Variants in MYO7A observed in about 807,000 individuals in gnomAD.
MYO7A encodes the protein myosin VIIA.
In MYO7A, 210 loss-of-function variants were observed where a neutral mutation model predicts 263.8. The observed-to-expected ratio is 0.80, with a 90% CI of 0.71 to 0.89. MYO7A has a LOEUF of 0.89. Among genes scored for constraint, MYO7A ranks in the 40% least tolerant of loss-of-function variants. The pLI is 0.00. For synonymous variants in MYO7A, 1,239 were observed against 1,197.3 expected, an observed-to-expected ratio of 1.03 and a Z score of -0.72; for missense variants, 2,820 against 2,968.3, an observed-to-expected ratio of 0.95 and a Z score of 1.16.
chr11:77,193,578 G>C (rs1326689220), intron 31 of MYO7A, among the ~76,000 whole-genome samples: 1 of 150,722 alleles, frequency 6.6e-6, no homozygotes, highest in Non-Finnish European at 1.5e-5. Context: ...TGGTGATAGT[G>C]GTGATGATAA....
At chr11:77,137,371 C>T (rs1446522439) in intron 2 of MYO7A, among the ~76,000 whole-genome samples, 1 of 151,962 alleles carries the variant, frequency 6.6e-6, no homozygotes. Context: ...CCACTCTCTG[C>T]CGTTGTTCAT....
Position 77,159,464 on chromosome 11 carries a change from C to T in MYO7A, c.1021C>T (p.Leu341=), listed in dbSNP as rs782765242. ...LQYEARTFEN[L]DACEVLFSPS... is the part of the protein sequence containing the mutation. Reference sequence around the variant, plus strand: ...GCCAACAGCACGCACATTTGAAAACCTGGATGCCTGTGAGGTTCTCTTCTC... The same window carrying T: ...GCCAACAGCACGCACATTTGAAAACTTGGATGCCTGTGAGGTTCTCTTCTC... The change falls in exon 10 of 49, where the codon CTG becomes TTG. Residue 341 remains leucine (L), a synonymous_variant. Transcript: ENST00000409709. 2.8e-6 allele frequency: 4 copies of T among 1,412,028 alleles called. No homozygotes were observed. The Admixed American group carries it at 5.6e-5, about 20-fold the overall frequency. The allele number at this position is 1,412,028 out of a possible 1,614,324, so 87.5% of individuals were successfully genotyped here.
chr11:77,184,806 C>G, intron 27 of MYO7A, 91 bp downstream of exon 27: 1 of 1,555,914 alleles, frequency 6.4e-7, no homozygotes, highest in Non-Finnish European at 8.7e-7. Context: ...TTAAGCCAAG[C>G]AGGCCTGGGT....
At chr11:77,142,133 C>A (rs1480888966) in intron 2 of MYO7A, among the ~76,000 whole-genome samples, 1 of 152,220 alleles carries the variant, frequency 6.6e-6, no homozygotes, top group Non-Finnish European at 1.5e-5. Flanking sequence ...GGGCCAGATG[C>A]CGCAGGGGAC....
chr11:77,186,243 C>T (rs1182792788), intron 27 of MYO7A, among the ~76,000 whole-genome samples: 1 of 152,064 alleles, frequency 6.6e-6, no homozygotes, highest in Admixed American at 6.6e-5. Context: ...TTTTAAGAGC[C>T]CCAGAATTTT....
chr11:77,159,474 G>A lies in MYO7A; in HGVS notation c.1031G>A (p.Cys344Tyr), dbSNP rs1565349460. ...EARTFENLDA[C>Y]EVLFSPSLAT... ...CGCACATTTGAAAACCTGGATGCCT[G>A]TGAGGTTCTCTTCTCCCCATCGCTG... is the stretch of plus-strand genomic sequence containing the variant. Residue 344 changes from cysteine (C) to tyrosine (Y), a missense_variant, in exon 10 of 49, where the codon TGT becomes TAT. By Grantham distance (194) the Cys-to-Tyr change is radical. Coordinates refer to ENST00000409709, the MANE Select transcript of MYO7A (RefSeq NM_000260.4). The A allele has an allele frequency of 3.1e-6, 5 of 1,610,470 alleles. No individual in the cohort carries two copies. The highest frequency in any genetic ancestry group is 2.5e-6 in the Non-Finnish European group (3 of 1,179,468).
At position 77,160,217 on chromosome 11, in the gene MYO7A, G is replaced by T; in HGVS notation, c.1135G>T (p.Gly379Trp). 6.3e-7 allele frequency: 1 copy of T among 1,581,864 alleles called. No homozygotes were observed. Among genetic ancestry groups the T allele is most frequent in the East Asian group, 2.3e-5 (1 of 42,772 alleles). ...GACTAGCCGCACCCTCATCACCCGC[G>T]GGGAGACGGTGTCCACCCCACTGAG... Reference protein sequence around the residue: ...CLTSRTLITRGETVSTPLSRE... With the variant: ...CLTSRTLITRWETVSTPLSRE... The change falls in exon 11 of 49, where the codon GGG becomes TGG. Residue 379 changes from glycine to tryptophan, a missense_variant. By Grantham distance (184) the Gly-to-Trp change is radical (BLOSUM62 -2). Coordinates refer to ENST00000409709, the MANE Select transcript of MYO7A (RefSeq NM_000260.4).
intron 32 of MYO7A, among the ~76,000 whole-genome samples, chr11:77,195,148 G>A (rs896736333): frequency 5.9e-5 from 9 of 151,956 alleles, no homozygotes; most frequent in African/African-American, 2.2e-4. Flanking sequence ...CCACAGACCC[G>A]GATCTCACCC....
At chr11:77,173,602 C>T (rs1023102751) in intron 16 of MYO7A, among the ~76,000 whole-genome samples, 3 of 152,128 alleles carry the variant, frequency 2.0e-5, no homozygotes, top group African/African-American at 4.8e-5. Context: ...TTTCGCAGCA[C>T]AGGCTCTGGG....
chr11:77,133,740 T>C (rs1223887169), intron 2 of MYO7A, among the ~76,000 whole-genome samples: 1 of 152,216 alleles, frequency 6.6e-6, no homozygotes. Context: ...CATGAAGTAA[T>C]TACTGTTAAG....
chr11:77,181,321 C>T (rs1955162530), intron 22 of MYO7A, 59 bp from the exon 23 acceptor site: 11 of 1,465,252 alleles, frequency 7.5e-6, no homozygotes, highest in South Asian at 1.3e-5. Context: ...GAGCTTGTTC[C>T]CTGAGGCTGT....
intron 41 of MYO7A, 81 bp from the exon 42 acceptor site, chr11:77,207,208 G>A (rs1591490271): frequency 1.3e-5 from 12 of 948,536 alleles, no homozygotes; most frequent in Non-Finnish European, 1.3e-5. Context: ...GCTCAGTATA[G>A]GAGGCATAGC....
intron 4 of MYO7A, among the ~76,000 whole-genome samples, chr11:77,151,746 G>A (rs180797136): frequency 5.2e-5 from 8 of 152,390 alleles, no homozygotes; most frequent in Admixed American, 3.9e-4. Context: ...TCAGGGAGCA[G>A]TGCTAAGACC....
chr11:77,179,226 C>A, intron 20 of MYO7A, 97 bp downstream of exon 20: 1 of 1,135,694 alleles, frequency 8.8e-7, no homozygotes, highest in Non-Finnish European at 1.3e-6. Flanking sequence ...GCAGCACAGC[C>A]TGGCCTCGTT....
rs1445050163 is a variant in MYO7A at position 77,208,700 on chromosome 11, T to C, written c.5948T>C (p.Ile1983Thr). Residue 1983 changes from isoleucine (I) to threonine (T), a missense_variant, in exon 44 of 49, where the codon ATT (isoleucine) becomes ACT (threonine). Physicochemically the swap from Ile to Thr is moderately conservative, Grantham distance 89. Transcript: ENST00000409709. ...IKKARPIKDG[I>T]VPSLTYQVFF... ...GACCGACTGCCCTGTGCTGCAGGAA[T>C]TGTGCCCTCACTCACCTACCAGGTG... 4.4e-6 allele frequency: 7 copies of C among 1,580,758 alleles called. No homozygotes were observed. The highest frequency in any genetic ancestry group is 6.0e-6 in the Non-Finnish European group (7 of 1,162,610).
At chr11:77,191,509 C>T (rs917406018) in intron 30 of MYO7A, among the ~76,000 whole-genome samples, 7 of 152,190 alleles carry the variant, frequency 4.6e-5, no homozygotes, top group African/African-American at 1.7e-4. Context: ...AATTCCCTCT[C>T]AGGTTGCCAC....
chr11:77,148,366 G>A (rs1591228863), intron 4 of MYO7A, among the ~76,000 whole-genome samples: 1 of 152,342 alleles, frequency 6.6e-6, no homozygotes, highest in Middle Eastern at 3.4e-3. Flanking sequence ...GGATGGATAG[G>A]GATGGATGGA....
chr11:77,214,035 C>T, intron 48 of MYO7A, 56 bp downstream of exon 48: 2 of 1,608,480 alleles, frequency 1.2e-6, no homozygotes, highest in South Asian at 1.1e-5. Context: ...GCAGCGTAGC[C>T]AGCCTCCCAG....
At chr11:77,158,853 C>A (rs1341602454) in intron 9 of MYO7A, among the ~76,000 whole-genome samples, 1 of 152,206 alleles carries the variant, frequency 6.6e-6, no homozygotes, top group Non-Finnish European at 1.5e-5. Context: ...CATTCTTGGA[C>A]ACCCACTATG....
Sources: gnomAD v4.1 joint callset for allele counts (sites outside exome capture counted in the v4.1 genomes callset) on GRCh38, gnomAD v4.1.1 for gene constraint, MANE v1.5 for transcripts, NCBI Gene and HGNC (gene_info 2026-07-23, HGNC 2026-07-21) for gene names.